Variants in HDAC9 observed in about 807,000 individuals in gnomAD.
HDAC9 encodes the protein MEF-2 interacting transcription repressor (MITR) protein.
A neutral mutation model predicts 139.4 loss-of-function variants in HDAC9; 41 were observed. The ratio of observed to expected loss-of-function variants is 0.29; its 90% CI spans 0.23 to 0.38. The LOEUF (loss-of-function observed/expected upper bound fraction) is 0.38. HDAC9 is among the 10% of genes least tolerant of loss of function. HDAC9 has a pLI of 1.00. For synonymous variants in HDAC9, 517 were observed against 476.2 expected, an observed-to-expected ratio of 1.09 and a Z score of -1.12; for missense variants, 1,147 against 1,297.0, an observed-to-expected ratio of 0.88 and a Z score of 1.78.
chr7:18,829,253 A>T (rs1795682090), intron 18 of HDAC9, 37 bp downstream of exon 18: 1 of 1,540,472 alleles, frequency 6.5e-7, no homozygotes, highest in South Asian at 1.1e-5. Flanking sequence ...TCCAAGCACC[A>T]CGGTTCCTGG....
At chr7:18,437,964 GACAC>G (rs979743505) in intron 1 of HDAC9, among the ~76,000 whole-genome samples, 11 of 146,456 alleles carry the variant, frequency 7.5e-5, no homozygotes, top group African/African-American at 2.5e-4. Flanking sequence ...CACACACACA[GACAC>G]ACACACACAT....
chr7:18,487,863 C>T (rs371428708), intron 1 of HDAC9, among the ~76,000 whole-genome samples: 145 of 152,076 alleles, frequency 9.5e-4, no homozygotes, highest in African/African-American at 3.3e-3. Flanking sequence ...GTAAAAAGCT[C>T]TGGGTTGACT....
intron 2 of HDAC9, among the ~76,000 whole-genome samples, chr7:18,238,122 A>C (rs549706188): frequency 6.6e-6 from 1 of 152,360 alleles, no homozygotes; most frequent in Non-Finnish European, 1.5e-5. Context: ...ACTTTTAATA[A>C]TAAAAACTCC....
At chr7:18,555,477 A>C (rs1320368729) in intron 2 of HDAC9, among the ~76,000 whole-genome samples, 1 of 152,170 alleles carries the variant, frequency 6.6e-6, no homozygotes, top group Non-Finnish European at 1.5e-5. Context: ...TTTAGATGTG[A>C]TGAAATTATT....
chr7:18,866,609 T>C (rs999115392), intron 21 of HDAC9, among the ~76,000 whole-genome samples: 1 of 152,200 alleles, frequency 6.6e-6, no homozygotes, highest in African/African-American at 2.4e-5. Context: ...ACCATCCCAG[T>C]GCTTCCCATA....
intron 21 of HDAC9, among the ~76,000 whole-genome samples, chr7:18,862,351 A>G (rs1490951889): frequency 1.3e-5 from 2 of 152,212 alleles, no homozygotes; most frequent in Admixed American, 1.3e-4. Flanking sequence ...AGAGCCGCAT[A>G]TGACTTTAGA....
In HDAC9 at chr7:18,808,534, C is replaced by CA. The variant is rs574736627; in HGVS notation, c.2322+15091dup. On this transcript the variant is annotated intron_variant, in intron 17 of 25. Transcript: ENST00000686413. ...TTCAACATACTAACAATGAACTGTC[C>CA]AAAAAAAAATCCCACTTACAATAGC... is the stretch of plus-strand genomic sequence containing the variant. Among the ~76,000 whole-genome samples the CA allele has an allele frequency of 2.2e-3, 328 of 148,584 alleles. 2 individuals carry two copies. Among genetic ancestry groups the CA allele is most frequent in the Admixed American group, 6.8e-3 (101 of 14,958 alleles).
intron 2 of HDAC9, among the ~76,000 whole-genome samples, chr7:18,525,120 A>G (rs951717990): frequency 3.3e-5 from 5 of 152,146 alleles, no homozygotes; most frequent in African/African-American, 1.2e-4. Flanking sequence ...GTAAAGCCTC[A>G]TAGATTTCCA....
intron 22 of HDAC9, among the ~76,000 whole-genome samples, chr7:18,911,555 T>C (rs896664583): frequency 6.6e-6 from 1 of 151,932 alleles, no homozygotes; most frequent in African/African-American, 2.4e-5. Flanking sequence ...TTTACTAATT[T>C]GGGGTTTGGT....
chr7:18,264,475 T>A (rs1296344712), intron 2 of HDAC9, among the ~76,000 whole-genome samples: 1 of 152,200 alleles, frequency 6.6e-6, no homozygotes, highest in Non-Finnish European at 1.5e-5. Flanking sequence ...TATTAATGAA[T>A]TAATTTAAAG....
intron 16 of HDAC9, among the ~76,000 whole-genome samples, chr7:18,773,548 A>G (rs751751757): frequency 4.6e-5 from 7 of 152,054 alleles, no homozygotes; most frequent in South Asian, 2.1e-4. Context: ...TTAAATTTCT[A>G]TCTAACTTAG....
chr7:18,259,593 G>A (rs1795510356), intron 2 of HDAC9, among the ~76,000 whole-genome samples: 1 of 152,016 alleles, frequency 6.6e-6, no homozygotes. Context: ...TCAAATTGCT[G>A]GACTCAAGGG....
At position 18,428,716 on chromosome 7, in the gene HDAC9, C is replaced by G. The variant is rs140713798; in HGVS notation, c.-41-67546C>G. Among the ~76,000 whole-genome samples the G allele has an allele frequency of 3.9e-5, 6 of 152,304 alleles. No individual in the cohort carries two copies. The East Asian group carries it at 1.2e-3, about 29-fold the overall frequency. On this transcript the variant is annotated intron_variant, in intron 1 of 3. Coordinates refer to the HDAC9 transcript ENST00000413509. The stretch of plus-strand genomic sequence containing the variant: ...AGCTTTTAGAAGTCATACCATGTCT[C>G]TTCTCTGCTCAGAACCCTCCAGTAG...
At chr7:18,909,797 T>G (rs1802585272) in intron 22 of HDAC9, among the ~76,000 whole-genome samples, 1 of 152,024 alleles carries the variant, frequency 6.6e-6, no homozygotes, top group African/African-American at 2.4e-5. Context: ...GGTCCTCTCT[T>G]CTATTCCACT....
chr7:18,988,406 G>C (rs528069041), intron 25 of HDAC9, among the ~76,000 whole-genome samples: 1 of 151,880 alleles, frequency 6.6e-6, no homozygotes, highest in Non-Finnish European at 1.5e-5. Flanking sequence ...GTTCTAGTTT[G>C]ATTGCACTGT....
chr7:18,689,405 A>G (rs960886922), intron 12 of HDAC9, among the ~76,000 whole-genome samples: 2 of 152,126 alleles, frequency 1.3e-5, no homozygotes, highest in East Asian at 1.9e-4. Context: ...ACAAGGGTCA[A>G]TGGTAATTGC....
intron 2 of HDAC9, among the ~76,000 whole-genome samples, chr7:18,219,864 A>C (rs1792566718): frequency 6.6e-6 from 1 of 152,220 alleles, no homozygotes; most frequent in African/African-American, 2.4e-5. Flanking sequence ...CTGGCAAGGC[A>C]GGAGCAGAGT....
chr7:18,157,082 AC>A (rs1328052544), intron 1 of HDAC9, among the ~76,000 whole-genome samples: 1 of 152,174 alleles, frequency 6.6e-6, no homozygotes, highest in Non-Finnish European at 1.5e-5. Flanking sequence ...AAACCAACCA[AC>A]CAGAAAAACC....
At chr7:18,276,622 C>T (rs1284683199) in intron 2 of HDAC9, among the ~76,000 whole-genome samples, 1 of 152,090 alleles carries the variant, frequency 6.6e-6, no homozygotes, top group African/African-American at 2.4e-5. Flanking sequence ...TGACAGAGCA[C>T]CTCTAGAGGG....
Sources: allele counts gnomAD v4.1 joint callset (sites outside exome capture counted in the v4.1 genomes callset), GRCh38; gene constraint gnomAD v4.1.1; transcripts MANE v1.5; gene names NCBI Gene and HGNC (gene_info 2026-07-23, HGNC 2026-07-21).